PHF21A: variants seen among roughly 807,000 people sequenced by gnomAD.
PHF21A encodes PHD finger protein 21A.
A neutral mutation model predicts 82.5 loss-of-function variants in PHF21A; 11 were observed. The ratio of observed to expected loss-of-function variants is 0.13; its 90% CI spans 0.08 to 0.22. The LOEUF is 0.22. PHF21A is among the 10% of genes least tolerant of loss of function. PHF21A has a pLI of 1.00. For missense variants in PHF21A, 579 were observed against 837.8 expected, an observed-to-expected ratio of 0.69 and a Z score of 3.81; for synonymous variants, 297 against 302.8, an observed-to-expected ratio of 0.98 and a Z score of 0.20.
chr11:45,990,378 C>T (rs1024146914), intron 6 of PHF21A, among the ~76,000 whole-genome samples: 2 of 149,590 alleles, frequency 1.3e-5, no homozygotes, highest in East Asian at 2.0e-4. Flanking sequence ...CCCACCTCAG[C>T]TCCCCAAGGA....
chr11:45,957,973 G>A (rs1301945830), intron 10 of PHF21A, among the ~76,000 whole-genome samples: 1 of 151,892 alleles, frequency 6.6e-6, no homozygotes, highest in Non-Finnish European at 1.5e-5. Context: ...AAGGATTATA[G>A]GAGAATATAT....
At chr11:45,999,870 T>C (rs1231630943) in intron 6 of PHF21A, among the ~76,000 whole-genome samples, 5 of 152,214 alleles carry the variant, frequency 3.3e-5, no homozygotes, top group African/African-American at 1.2e-4. Flanking sequence ...GTAACTTTTC[T>C]CTTGAGGATG....
intron 18 of PHF21A, chr11:45,935,236 C>A (rs1286806178): frequency 3.1e-6 from 4 of 1,296,406 alleles, no homozygotes; most frequent in Non-Finnish European, 4.0e-6. Flanking sequence ...TGGGCCCACT[C>A]GCTCAGGTGA....
At chr11:46,116,684 C>A (rs1159826098) in intron 1 of PHF21A, 2 of 152,098 alleles carry the variant, frequency 1.3e-5, no homozygotes, top group African/African-American at 2.4e-5. Flanking sequence ...AAAATTTAGG[C>A]CGGGCGTGGT....
intron 3 of PHF21A, among the ~76,000 whole-genome samples, chr11:46,089,981 C>T (rs532653900): frequency 2.0e-5 from 3 of 151,936 alleles, no homozygotes; most frequent in African/African-American, 7.2e-5. Context: ...GTGCTCAGCC[C>T]AATATACAGT....
chr11:45,949,285 A>T (rs1411274497), intron 13 of PHF21A, 117 bp downstream of exon 13: 12 of 841,716 alleles, frequency 1.4e-5, no homozygotes, highest in Non-Finnish European at 2.4e-5. Context: ...CACTTCACAG[A>T]ACTGGCCAAG....
At chr11:45,961,180 C>T (rs574385605) in intron 10 of PHF21A, among the ~76,000 whole-genome samples, 43 of 152,278 alleles carry the variant, frequency 2.8e-4, no homozygotes, top group Middle Eastern at 6.8e-3. Context: ...TTCGAACCCA[C>T]GGTTGCTGGA....
chr11:46,075,367 A>AC (rs2096713208), intron 6 of PHF21A, among the ~76,000 whole-genome samples: 1 of 152,154 alleles, frequency 6.6e-6, no homozygotes, highest in African/African-American at 2.4e-5. Context: ...CTGCTGGAAC[A>AC]CGTGAATTTT....
intron 6 of PHF21A, among the ~76,000 whole-genome samples, chr11:46,053,173 A>T (rs2139223987): frequency 6.6e-6 from 1 of 152,312 alleles, no homozygotes; most frequent in South Asian, 2.1e-4. Flanking sequence ...TGTCCTGATA[A>T]ATGTTTGGTT....
chr11:45,980,773 C>T (rs1182154260), intron 6 of PHF21A, among the ~76,000 whole-genome samples: 2 of 152,162 alleles, frequency 1.3e-5, no homozygotes, highest in African/African-American at 4.8e-5. Context: ...ATTAAACAGA[C>T]TGTTAAACAA....
At chr11:46,027,711 A>G (rs553334334) in intron 6 of PHF21A, among the ~76,000 whole-genome samples, 2 of 152,344 alleles carry the variant, frequency 1.3e-5, no homozygotes, top group Non-Finnish European at 2.9e-5. Context: ...GAAGACGCCT[A>G]TTGTTCCCAT....
At chr11:45,996,739 G>A (rs1034589524) in intron 6 of PHF21A, among the ~76,000 whole-genome samples, 2 of 152,212 alleles carry the variant, frequency 1.3e-5, no homozygotes, top group Admixed American at 6.5e-5. Flanking sequence ...GAAACAAAAG[G>A]TAGCTATATT....
chr11:46,050,137 A>G (rs2096330009), intron 6 of PHF21A, among the ~76,000 whole-genome samples: 2 of 152,266 alleles, frequency 1.3e-5, no homozygotes, highest in Admixed American at 6.5e-5. Flanking sequence ...CAAGTTTTAG[A>G]AAGAAGAGAT....
At chr11:46,023,995 G>T (rs1409737506) in intron 6 of PHF21A, among the ~76,000 whole-genome samples, 2 of 150,734 alleles carry the variant, frequency 1.3e-5, no homozygotes, top group Admixed American at 1.3e-4. Context: ...ATGGCATAGA[G>T]CATGTAGCAA....
chr11:45,951,404 T>A (rs2092095244), intron 11 of PHF21A, among the ~76,000 whole-genome samples: 1 of 152,256 alleles, frequency 6.6e-6, no homozygotes, highest in African/African-American at 2.4e-5. Context: ...TGTCATTTAC[T>A]GGTAACTTCA....
At chr11:46,067,914 ACT>A (rs1221782047) in intron 6 of PHF21A, among the ~76,000 whole-genome samples, 3 of 152,132 alleles carry the variant, frequency 2.0e-5, no homozygotes, top group Admixed American at 6.6e-5. Context: ...GGAGTGTCTA[ACT>A]CTGCTTGGAA....
chr11:45,973,226 G>A (rs1203337734), intron 7 of PHF21A, among the ~76,000 whole-genome samples: 3 of 152,224 alleles, frequency 2.0e-5, no homozygotes, highest in African/African-American at 2.4e-5. Context: ...GACCAAACTG[G>A]ACAGTGGAGA....
chr11:45,997,335 A>G (rs1482101250), intron 6 of PHF21A, among the ~76,000 whole-genome samples: 2 of 152,212 alleles, frequency 1.3e-5, no homozygotes, highest in African/African-American at 2.4e-5. Context: ...CTTAACCCAA[A>G]TATCAGAAGT....
At chr11:46,000,435 G>C (rs1459611381) in intron 6 of PHF21A, among the ~76,000 whole-genome samples, 1 of 152,012 alleles carries the variant, frequency 6.6e-6, no homozygotes, top group East Asian at 1.9e-4. Flanking sequence ...CTGCGATATG[G>C]GACTAAAGAC....
Sources: allele counts gnomAD v4.1 joint callset (sites outside exome capture counted in the v4.1 genomes callset), GRCh38; gene constraint gnomAD v4.1.1; transcripts MANE v1.5; gene names NCBI Gene and HGNC (gene_info 2026-07-23, HGNC 2026-07-21).